KCNQ1: variants seen among roughly 807,000 people sequenced by gnomAD.
KCNQ1 encodes potassium voltage-gated channel subfamily KQT member 1.
In KCNQ1, 49 loss-of-function variants were observed where a neutral mutation model predicts 72.4. That is an observed-to-expected ratio of 0.68 (90% CI 0.54 to 0.86). The LOEUF (loss-of-function observed/expected upper bound fraction) is 0.86. Ranked by LOEUF, KCNQ1 falls within the 40% of genes least tolerant of loss-of-function variation. The pLI, the probability that KCNQ1 is intolerant of heterozygous loss-of-function variation, is 0.00. For synonymous variants in KCNQ1, 450 were observed against 412.6 expected (o/e 1.09, Z -1.10); for missense variants, 790 against 945.1 (o/e 0.84, Z 2.15).
At chr11:2,535,211 G>A (rs1186990638) in intron 2 of KCNQ1, among the ~76,000 whole-genome samples, 1 of 152,224 alleles carries the variant, frequency 6.6e-6, no homozygotes, top group Non-Finnish European at 1.5e-5. Flanking sequence ...ACACTGGCCT[G>A]CAGGCTTTGG....
intron 10 of KCNQ1, chr11:2,644,600 G>C: frequency 2.5e-6 from 1 of 398,526 alleles, no homozygotes. Flanking sequence ...TTCCTTAGGA[G>C]TTGTCATGTT....
intron 11 of KCNQ1, chr11:2,699,375 G>A (rs1057471657): frequency 1.0e-5 from 4 of 400,146 alleles, no homozygotes; most frequent in Non-Finnish European, 1.8e-5. Flanking sequence ...GCCCAGGTCC[G>A]TGCTGACCGT....
At chr11:2,629,850 A>G in intron 10 of KCNQ1, 2 of 397,862 alleles carry the variant, frequency 5.0e-6, no homozygotes, top group Admixed American at 8.8e-5. Context: ...TTTTCTACAT[A>G]TATGATGTCA....
At chr11:2,632,301 A>G (rs2133817865) in intron 10 of KCNQ1, 1 of 398,574 alleles carries the variant, frequency 2.5e-6, no homozygotes, top group South Asian at 1.3e-4. Context: ...ATTTCTACAA[A>G]TATGATCATA....
chr11:2,840,164 CAATAA>C (rs1554931214), intron 15 of KCNQ1: 1 of 152,060 alleles, frequency 6.6e-6, no homozygotes, highest in Non-Finnish European at 1.5e-5. Context: ...TCATGTATTA[CAATAA>C]AGTAAAGTAA....
intron 8 of KCNQ1, among the ~76,000 whole-genome samples, chr11:2,585,796 T>C (rs1848584386): frequency 6.6e-6 from 1 of 152,156 alleles, no homozygotes; most frequent in South Asian, 2.1e-4. Context: ...TGGGCCTCCC[T>C]CTGGGCTCAC....
intron 11 of KCNQ1, among the ~76,000 whole-genome samples, chr11:2,741,062 TG>T (rs1352810409): frequency 4.0e-5 from 6 of 151,674 alleles, no homozygotes; most frequent in South Asian, 2.1e-4. Context: ...CGCCCTGGGG[TG>T]GGGGGTGTTC....
intron 1 of KCNQ1, among the ~76,000 whole-genome samples, chr11:2,511,957 A>G (rs1847213526): frequency 6.6e-6 from 1 of 152,200 alleles, no homozygotes; most frequent in Admixed American, 6.5e-5. Flanking sequence ...GGGCATGAGG[A>G]AGCAGTGCAG....
At position 2,816,297 on chromosome 11, in the gene KCNQ1, G is replaced by A. The variant is rs565922604; in HGVS notation, c.1795-31470G>A. Among the ~76,000 whole-genome samples the A allele has an allele frequency of 1.3e-5, 2 of 152,344 alleles. No homozygotes were observed. The highest frequency in any genetic ancestry group is 4.8e-5 in the African/African-American group (2 of 41,568). On this transcript the variant is annotated intron_variant, in intron 15 of 15. Transcript: ENST00000155840. This position sits in a 1 kb window ranked among gnomAD's most constrained non-coding sequence, Gnocchi z 6.8. Reference sequence around the variant, plus strand: ...AAGTTGGCCAAGACTAAAAAGTGGAGTCAAGCTCAGTGCTGGTGACGATGT... The same window carrying A: ...AAGTTGGCCAAGACTAAAAAGTGGAATCAAGCTCAGTGCTGGTGACGATGT...
rs1429334167 is a variant in KCNQ1 at position 2,687,744 on chromosome 11, G to A, written c.1514+25663G>A. On this transcript the variant is annotated intron_variant, in intron 11 of 15. Transcript: ENST00000155840. This position sits in a 1 kb window ranked among gnomAD's most constrained non-coding sequence, Gnocchi z 5.0. ...AAGCCAGTAACCAGCAAATCATGGG[G>A]AGACTGAGAAGAGGAGCCCCTTAGC... 1 of 398,620 alleles carries A rather than the reference G, an allele frequency of 2.5e-6. No homozygotes were observed. Among genetic ancestry groups the A allele is most frequent in the Non-Finnish European group, 4.4e-6 (1 of 226,156 alleles). The allele number at this position is 398,620 out of a possible 1,614,324, so 24.7% of individuals were successfully genotyped here.
chr11:2,620,952 T>TG lies in KCNQ1; in HGVS notation c.1393+32098_1393+32099insG, dbSNP rs538273950. The TG allele has an allele frequency of 2.7e-4, 106 of 397,868 alleles. No individual in the cohort carries two copies. In the South Asian group the frequency reaches 6.5e-3, roughly 25 times the overall value. 24.6% of individuals were successfully genotyped at this position (397,868 alleles called of 1,614,324 possible). On this transcript the variant is annotated intron_variant, in intron 10 of 15. Coordinates refer to ENST00000155840, the MANE Select transcript of KCNQ1 (RefSeq NM_000218.3). The surrounding 1 kb of genome is among the most constrained non-coding windows in gnomAD (Gnocchi z 4.5). ...TTGTTGTTGTTGTTTTGTTTTGTTT[T>TG]TTTTTGTCTGTTTTTTGCTTTTTTG... is the stretch of plus-strand genomic sequence containing the variant.
At chr11:2,569,244 C>T (rs918203387) in intron 2 of KCNQ1, among the ~76,000 whole-genome samples, 1 of 152,220 alleles carries the variant, frequency 6.6e-6, no homozygotes, top group Non-Finnish European at 1.5e-5. Flanking sequence ...CGCACACACC[C>T]ACACACCCCT....
At chr11:2,580,941 C>T (rs370616615) in intron 6 of KCNQ1, among the ~76,000 whole-genome samples, 2 of 152,220 alleles carry the variant, frequency 1.3e-5, no homozygotes, top group African/African-American at 4.8e-5. Context: ...AGGCAGAGCC[C>T]GGAGTGGAGG....
chr11:2,644,204 T>C (rs1849627755), intron 10 of KCNQ1: 3 of 398,452 alleles, frequency 7.5e-6, no homozygotes, highest in African/African-American at 2.1e-5. Context: ...TGGTTTGCTC[T>C]TCACCTTCTG....
In KCNQ1 at chr11:2,611,312, C is replaced by T. The variant is rs1480425457; in HGVS notation, c.1393+22458C>T. 1.5e-5 allele frequency: 6 copies of T among 397,082 alleles called. No homozygotes were observed. Among genetic ancestry groups the T allele is most frequent in the African/African-American group, 4.1e-5 (2 of 48,544 alleles). The allele number at this position is 397,082 out of a possible 1,614,324, so 24.6% of individuals were successfully genotyped here. ...TTGGCTCACTGCAACCTCTGCCTCCCGGATTCAAGCCGTTCTCTTGCCTCA... is the reference window on the plus strand; with the variant it reads ...TTGGCTCACTGCAACCTCTGCCTCCTGGATTCAAGCCGTTCTCTTGCCTCA... On this transcript the variant is annotated intron_variant, in intron 10 of 15. Transcript: ENST00000155840. The surrounding 1 kb of genome is among the most constrained non-coding windows in gnomAD (Gnocchi z 5.3).
At position 2,565,732 on chromosome 11, in the gene KCNQ1, G is replaced by T. The variant is rs1170494325; in HGVS notation, c.478-4896G>T. ...CGAACGAGTGGGTCCGATGTGGAGT[G>T]CAGTGGCATCAGCCAAGGCTCCGAG... On this transcript the variant is annotated intron_variant, in intron 2 of 15. Coordinates refer to ENST00000155840, the MANE Select transcript of KCNQ1 (RefSeq NM_000218.3). The surrounding 1 kb of genome is among the most constrained non-coding windows in gnomAD (Gnocchi z 5.6). 6.6e-6 allele frequency among the ~76,000 whole-genome samples: 1 copy of T among 152,230 alleles called. No individual in the cohort carries two copies. Among genetic ancestry groups the T allele is most frequent in the Non-Finnish European group, 1.5e-5 (1 of 68,040 alleles).
In KCNQ1 at chr11:2,748,715, C is replaced by CT. The variant is rs1298631947; in HGVS notation, c.1515-20129_1515-20128insT. On this transcript the variant is annotated intron_variant, in intron 11 of 15. Transcript: ENST00000155840. The surrounding 1 kb of genome is among the most constrained non-coding windows in gnomAD (Gnocchi z 6.2). ...TCGGGTCCAGCCAGCTGCTGCTGCC[C>CT]CTCCCTCTGGGCCTCAAGACCATCT... Among the ~76,000 whole-genome samples the CT allele has an allele frequency of 1.3e-5, 2 of 149,890 alleles. No individual in the cohort carries two copies. The highest frequency in any genetic ancestry group is 4.9e-5 in the African/African-American group (2 of 40,758).
chr11:2,520,169 C>G (rs552161070), intron 1 of KCNQ1, among the ~76,000 whole-genome samples: 1 of 152,220 alleles, frequency 6.6e-6, no homozygotes. Flanking sequence ...GTGTCTGAGC[C>G]TCAGTGTCCC....
intron 15 of KCNQ1, among the ~76,000 whole-genome samples, chr11:2,789,643 G>A (rs749433158): frequency 2.8e-4 from 43 of 152,324 alleles, no homozygotes; most frequent in Middle Eastern, 6.8e-3. Context: ...GCTGCGCTCC[G>A]GGATGCTGGG....
Sources: allele counts gnomAD v4.1 joint callset (sites outside exome capture counted in the v4.1 genomes callset), GRCh38; gene constraint gnomAD v4.1.1; non-coding constraint Gnocchi (gnomAD v3.1); transcripts MANE v1.5; gene names NCBI Gene and HGNC (gene_info 2026-07-23, HGNC 2026-07-21).